The following FRMD5 variants were observed in gnomAD, a reference collection of about 807,000 sequenced individuals.
The protein encoded by FRMD5 is FERM domain containing 5.
Under a neutral mutation model 69.0 loss-of-function variants are expected in FRMD5, and 20 were observed. That is an observed-to-expected ratio of 0.29 (90% CI 0.20 to 0.42). The LOEUF is 0.42. Ranked by LOEUF, FRMD5 falls within the 10% of genes least tolerant of loss-of-function variation. FRMD5 has a pLI of 1.00. For synonymous variants in FRMD5, 271 were observed against 260.1 expected, an observed-to-expected ratio of 1.04 and a Z score of -0.40; for missense variants, 595 against 708.6, an observed-to-expected ratio of 0.84 and a Z score of 1.82.
At chr15:44,051,600 T>G (rs554580383) in intron 1 of FRMD5, among the ~76,000 whole-genome samples, 1 of 152,142 alleles carries the variant, frequency 6.6e-6, no homozygotes. Context: ...TTTCCTTAGT[T>G]CTAACCTAAT....
intron 1 of FRMD5, among the ~76,000 whole-genome samples, chr15:44,036,015 T>G (rs1891892605): frequency 6.6e-6 from 1 of 152,110 alleles, no homozygotes; most frequent in African/African-American, 2.4e-5. Flanking sequence ...AAGTGAGAAA[T>G]GTATGCTGAC....
chr15:44,067,196 G>C (rs1893347780), intron 1 of FRMD5, among the ~76,000 whole-genome samples: 1 of 152,194 alleles, frequency 6.6e-6, no homozygotes, highest in African/African-American at 2.4e-5. Flanking sequence ...AACTTTCTCA[G>C]AGAATAGGAG....
chr15:44,113,473 T>C (rs2076827498), intron 1 of FRMD5, among the ~76,000 whole-genome samples: 1 of 152,224 alleles, frequency 6.6e-6, no homozygotes, highest in Non-Finnish European at 1.5e-5. Flanking sequence ...AGGTACATGA[T>C]ATGAGCATGC....
chr15:44,006,863 T>A (rs368456947), intron 1 of FRMD5, among the ~76,000 whole-genome samples: 2 of 152,256 alleles, frequency 1.3e-5, no homozygotes, highest in Non-Finnish European at 2.9e-5. Flanking sequence ...ACAAAGGATT[T>A]AGAATATCCC....
At chr15:44,159,230 A>T (rs926779922) in intron 1 of FRMD5, among the ~76,000 whole-genome samples, 4 of 152,112 alleles carry the variant, frequency 2.6e-5, no homozygotes, top group African/African-American at 4.8e-5. Context: ...TAAAATGATA[A>T]ATTTTATGTG....
intron 1 of FRMD5, among the ~76,000 whole-genome samples, chr15:44,027,446 C>T (rs1891476972): frequency 6.6e-6 from 1 of 152,124 alleles, no homozygotes; most frequent in African/African-American, 2.4e-5. Flanking sequence ...AACCCCAAAT[C>T]TTCATGTTTA....
At chr15:44,019,980 T>G (rs1891141944) in intron 1 of FRMD5, among the ~76,000 whole-genome samples, 1 of 152,044 alleles carries the variant, frequency 6.6e-6, no homozygotes, top group African/African-American at 2.4e-5. Flanking sequence ...CAAATGAGAC[T>G]GCAAAATATT....
At chr15:43,990,182 C>T in intron 1 of FRMD5, 1 of 529,016 alleles carries the variant, frequency 1.9e-6, no homozygotes, top group Non-Finnish European at 3.6e-6. Context: ...TATCATCATC[C>T]ATGGTGAGCT....
At chr15:44,019,698 T>C (rs192444598) in intron 1 of FRMD5, among the ~76,000 whole-genome samples, 13 of 135,334 alleles carry the variant, frequency 9.6e-5, no homozygotes, top group African/African-American at 3.8e-4. Context: ...GATTGACCCA[T>C]TGCATTCCAG....
chr15:43,890,186 T>C (rs752270795), intron 8 of FRMD5, among the ~76,000 whole-genome samples: 3 of 152,164 alleles, frequency 2.0e-5, no homozygotes, highest in Non-Finnish European at 4.4e-5. Flanking sequence ...TTGGTTAATA[T>C]ATAGACAAGC....
At chr15:44,116,222 T>TAG (rs1566953951) in intron 1 of FRMD5, among the ~76,000 whole-genome samples, 6 of 149,338 alleles carry the variant, frequency 4.0e-5, no homozygotes, top group Admixed American at 1.3e-4. Flanking sequence ...ATATTATATA[T>TAG]ATATAGAGAG....
rs151194842 is a variant in FRMD5 at position 43,897,911 on chromosome 15, TC to T, written c.639+4263del. On this transcript the variant is annotated intron_variant, in intron 7 of 13. Transcript: ENST00000417257. ...TCTGATGGTTTAAAAGTATGGCATCTCCCCCCTCATTCTCTCTTTCCTGCTG... is the reference window on the plus strand; with the variant it reads ...TCTGATGGTTTAAAAGTATGGCATCTCCCCCTCATTCTCTCTTTCCTGCTG... Among the ~76,000 whole-genome samples, 1,392 of 151,794 alleles carry T rather than the reference TC, an allele frequency of 9.2e-3. 24 individuals carry two copies. The highest frequency in any genetic ancestry group is 0.032 in the African/African-American group (1,327 of 41,198).
chr15:43,873,964 T>C lies in FRMD5; in HGVS notation c.1634A>G (p.His545Arg). The change falls in exon 14 of 14, where the codon CAC becomes CGC. Residue 545 changes from histidine (H) to arginine (R), a missense_variant. Physicochemically the swap from His to Arg is conservative, Grantham distance 29. Around this residue, in one of 5 missense-constraint regions of FRMD5, gnomAD observed 245 missense variants for 227.1 expected, o/e 1.08. Coordinates refer to ENST00000417257, the MANE Select transcript of FRMD5 (RefSeq NM_032892.5). ...IRQTPEFEQF[H>R]YQYFCPLRRW... ...CCTGAGGGGACAAAAGTATTGATAGTGGAATTGTTCAAACTCGGGGGTCTG... is the reference window on the plus strand; with the variant it reads ...CCTGAGGGGACAAAAGTATTGATAGCGGAATTGTTCAAACTCGGGGGTCTG... 6.2e-7 allele frequency: 1 copy of C among 1,614,072 alleles called. No individual in the cohort carries two copies. Among genetic ancestry groups the C allele is most frequent in the Non-Finnish European group, 8.5e-7 (1 of 1,180,022 alleles).
chr15:44,119,447 T>C (rs2076916077), intron 1 of FRMD5, among the ~76,000 whole-genome samples: 1 of 152,176 alleles, frequency 6.6e-6, no homozygotes, highest in Non-Finnish European at 1.5e-5. Flanking sequence ...GTTGTTTTTT[T>C]CTTTCTTGTT....
intron 6 of FRMD5, 117 bp downstream of exon 6, chr15:43,905,711 G>T: frequency 7.7e-7 from 1 of 1,306,616 alleles, no homozygotes; most frequent in Non-Finnish European, 1.1e-6. Context: ...AGGAAGGCTG[G>T]GGAGCATCAC....
Position 43,930,503 on chromosome 15 carries a change from G to A in FRMD5, c.103-6194C>T, listed in dbSNP as rs199668730. Reference sequence around the variant, plus strand: ...TGCCAGGAGGCTGCTGTGGGGCCACGTAACCATGTGGCTCCTGGAGGAGTG... The same window carrying A: ...TGCCAGGAGGCTGCTGTGGGGCCACATAACCATGTGGCTCCTGGAGGAGTG... On this transcript the variant is annotated intron_variant, in intron 1 of 13. Coordinates refer to ENST00000417257, the MANE Select transcript of FRMD5 (RefSeq NM_032892.5). Among the ~76,000 whole-genome samples the A allele has an allele frequency of 1.1e-4, 17 of 152,354 alleles. No individual in the cohort carries two copies. The East Asian group carries it at 3.1e-3, about 28-fold the overall frequency.
chr15:44,018,147 A>G lies in FRMD5; in HGVS notation c.103-93838T>C, dbSNP rs146626214. The stretch of plus-strand genomic sequence containing the variant: ...TACTTGAAATATTTGTTCAAAGCAC[A>G]GGCTGGCATCAAAGTATTTAATATG... On this transcript the variant is annotated intron_variant, in intron 1 of 13. Coordinates refer to ENST00000417257, the MANE Select transcript of FRMD5 (RefSeq NM_032892.5). Among the ~76,000 whole-genome samples the G allele has an allele frequency of 7.9e-5, 12 of 152,324 alleles. No individual in the cohort carries two copies. In the East Asian group the frequency reaches 2.3e-3, roughly 29 times the overall value.
At chr15:43,890,148 T>TCA (rs1368294253) in intron 8 of FRMD5, among the ~76,000 whole-genome samples, 10 of 152,086 alleles carry the variant, frequency 6.6e-5, no homozygotes, top group Non-Finnish European at 1.3e-4. Flanking sequence ...ACCATCAATC[T>TCA]CATACACACA....
Position 44,192,674 on chromosome 15 carries a change from T to C in FRMD5, c.102+2279A>G, listed in dbSNP as rs532808096. On this transcript the variant is annotated intron_variant, in intron 1 of 13. Coordinates refer to ENST00000417257, the MANE Select transcript of FRMD5 (RefSeq NM_032892.5). ...TTTCTAAATGTTCAAAAAAGCTACA[T>C]GCAGAAAATGTTAATTTCATATAAG... 5.0e-4 allele frequency among the ~76,000 whole-genome samples: 76 copies of C among 152,330 alleles called. 2 individuals are homozygous for C. In the South Asian group the frequency reaches 0.015, roughly 30 times the overall value.
Sources: gnomAD v4.1 joint callset for allele counts (sites outside exome capture counted in the v4.1 genomes callset) on GRCh38, gnomAD v4.1.1 for gene constraint, gnomAD v4.1.1 regional missense constraint, MANE v1.5 for transcripts, NCBI Gene and HGNC (gene_info 2026-07-23, HGNC 2026-07-21) for gene names.